GRIA2: variants seen among roughly 807,000 people sequenced by gnomAD.
The protein encoded by GRIA2 is glutamate ionotropic receptor AMPA type subunit 2, also known as glutamate receptor 2.
Under a neutral mutation model 97.3 loss-of-function variants are expected in GRIA2, and 14 were observed. The ratio of observed to expected loss-of-function variants is 0.14; its 90% CI spans 0.10 to 0.23. The LOEUF is 0.23. Among genes scored for constraint, GRIA2 ranks in the 10% least tolerant of loss-of-function variants. The pLI is 1.00. For synonymous variants in GRIA2, 412 were observed against 387.8 expected (o/e 1.06, Z -0.73); for missense variants, 558 against 1,069.8 (o/e 0.52, Z 6.67).
chr4:157,266,946 G>A (rs1042067923), intron 2 of GRIA2, among the ~76,000 whole-genome samples: 1 of 151,928 alleles, frequency 6.6e-6, no homozygotes, highest in Non-Finnish European at 1.5e-5. Flanking sequence ...TGTAGGTTCA[G>A]CTACTCGAGT....
intron 2 of GRIA2, among the ~76,000 whole-genome samples, chr4:157,291,216 G>A (rs1157193467): frequency 4.0e-5 from 6 of 151,752 alleles, no homozygotes; most frequent in African/African-American, 4.8e-5. Flanking sequence ...GCTCTTTCCC[G>A]AATGCCTCCT....
Position 157,224,977 on chromosome 4 carries a change from C to T in GRIA2, c.229+3170C>T, listed in dbSNP as rs1327075622. 5.3e-5 allele frequency among the ~76,000 whole-genome samples: 8 copies of T among 152,096 alleles called. No homozygotes were observed. The South Asian group carries it at 1.0e-3, about 20-fold the overall frequency. Reference sequence around the variant, plus strand: ...TAAAAATCCCACAGAGCTAAATTTACGTATTAAAAAGTGGATTTTTATACC... The same window carrying T: ...TAAAAATCCCACAGAGCTAAATTTATGTATTAAAAAGTGGATTTTTATACC... On this transcript the variant is annotated intron_variant, in intron 2 of 15. Transcript: ENST00000264426.
At position 157,250,912 on chromosome 4, in the gene GRIA2, C is replaced by T. The variant is rs6826556; in HGVS notation, c.229+29105C>T. On this transcript the variant is annotated intron_variant, in intron 2 of 15. Coordinates refer to ENST00000264426, the MANE Select transcript of GRIA2 (RefSeq NM_001083619.3). ...AGAAAGTATTAGAGAGGGTGCTTCC[C>T]ATTCTCCAGCTATGCTTGCTTTTCC... 5.0e-3 allele frequency among the ~76,000 whole-genome samples: 768 copies of T among 152,192 alleles called. 5 individuals carry two copies. The highest frequency in any genetic ancestry group is 0.017 in the African/African-American group (723 of 41,564).
intron 2 of GRIA2, among the ~76,000 whole-genome samples, chr4:157,222,425 G>A (rs1729540318): frequency 6.6e-6 from 1 of 152,222 alleles, no homozygotes; most frequent in Admixed American, 6.5e-5. Context: ...GCCCACCCGA[G>A]GGGCGAGGAG....
chr4:157,256,226 A>AATATT lies in GRIA2; in HGVS notation c.229+34423_229+34424insTATAT, dbSNP rs1561013203. 2.5e-3 allele frequency among the ~76,000 whole-genome samples: 303 copies of AATATT among 119,822 alleles called. 6 individuals are homozygous for AATATT. Among genetic ancestry groups the AATATT allele is most frequent in the African/African-American group, 9.7e-3 (281 of 29,106 alleles). The allele number at this position is 119,822 out of a possible 152,430, so 78.6% of individuals were successfully genotyped here. ...CATATATATGTTATATATAATATAT[A>AATATT]ATATATAATATATATATATAATATA... is the stretch of plus-strand genomic sequence containing the variant. On this transcript the variant is annotated intron_variant, in intron 2 of 15. Coordinates refer to ENST00000264426, the MANE Select transcript of GRIA2 (RefSeq NM_001083619.3).
intron 2 of GRIA2, among the ~76,000 whole-genome samples, chr4:157,284,811 C>T (rs1278544152): frequency 6.6e-5 from 10 of 151,570 alleles, no homozygotes; most frequent in East Asian, 3.9e-4. Context: ...TTTTCACTGC[C>T]GAATATTATT....
intron 2 of GRIA2, among the ~76,000 whole-genome samples, chr4:157,242,347 T>C (rs1365846568): frequency 2.6e-5 from 4 of 152,080 alleles, no homozygotes; most frequent in Non-Finnish European, 5.9e-5. Flanking sequence ...TATTGTTTAT[T>C]GTCAACTTTT....
chr4:157,220,232 C>T (rs1729424620), upstream of GRIA2: 1 of 152,244 alleles, frequency 6.6e-6, no homozygotes, highest in Non-Finnish European at 1.5e-5. Context: ...TAACGTAAGA[C>T]AGCAGGGCCT....
intron 12 of GRIA2, among the ~76,000 whole-genome samples, chr4:157,356,470 C>T (rs1579391160): frequency 6.6e-6 from 1 of 151,808 alleles, no homozygotes; most frequent in Admixed American, 6.6e-5. Flanking sequence ...TGCCTGTGTT[C>T]CCTCTTCTAC....
intron 2 of GRIA2, among the ~76,000 whole-genome samples, chr4:157,228,030 T>C (rs1440819204): frequency 6.6e-6 from 1 of 152,228 alleles, no homozygotes; most frequent in East Asian, 1.9e-4. Flanking sequence ...AAGTTTTTTG[T>C]CATCTTTGAT....
chr4:157,301,846 C>T (rs1380349592), intron 2 of GRIA2, among the ~76,000 whole-genome samples: 3 of 151,846 alleles, frequency 2.0e-5, no homozygotes, highest in South Asian at 2.1e-4. Context: ...GAAATGACCC[C>T]GAGATTGAGA....
intron 2 of GRIA2, among the ~76,000 whole-genome samples, chr4:157,242,457 G>A (rs531986743): frequency 5.3e-5 from 8 of 152,172 alleles, no homozygotes; most frequent in East Asian, 3.9e-4. Context: ...TTATGGTTGA[G>A]AGAAAGTACA....
intron 2 of GRIA2, among the ~76,000 whole-genome samples, chr4:157,227,627 A>T (rs1729806837): frequency 6.6e-6 from 1 of 152,216 alleles, no homozygotes; most frequent in African/African-American, 2.4e-5. Flanking sequence ...CTTGTATTTG[A>T]TGTAAATATT....
chr4:157,225,185 G>A (rs1729687095), intron 2 of GRIA2, among the ~76,000 whole-genome samples: 1 of 152,156 alleles, frequency 6.6e-6, no homozygotes. Context: ...TGGGTAAAAT[G>A]ATTGTGTGCA....
intron 2 of GRIA2, among the ~76,000 whole-genome samples, chr4:157,277,410 T>G (rs1031689458): frequency 6.6e-6 from 1 of 151,856 alleles, no homozygotes; most frequent in African/African-American, 2.4e-5. Context: ...CTACAAAACA[T>G]CTGTAGCTAA....
intron 2 of GRIA2, among the ~76,000 whole-genome samples, chr4:157,264,171 G>C (rs1731667720): frequency 6.6e-6 from 1 of 151,952 alleles, no homozygotes; most frequent in Non-Finnish European, 1.5e-5. Context: ...GCTTTCTATT[G>C]CTGCCATAAC....
chr4:157,226,931 T>C (rs1236629535), intron 2 of GRIA2, among the ~76,000 whole-genome samples: 1 of 152,144 alleles, frequency 6.6e-6, no homozygotes, highest in Non-Finnish European at 1.5e-5. Flanking sequence ...AAATGCCTCT[T>C]TGTATGTCAG....
At chr4:157,336,945 A>G (rs1735313616) in intron 11 of GRIA2, among the ~76,000 whole-genome samples, 198 bp downstream of exon 11, 1 of 151,970 alleles carries the variant, frequency 6.6e-6, no homozygotes, top group Non-Finnish European at 1.5e-5. Context: ...TTGCTCATCT[A>G]TTTCTCTGGT....
At chr4:157,301,768 G>A (rs1200419772) in intron 2 of GRIA2, among the ~76,000 whole-genome samples, 1 of 152,112 alleles carries the variant, frequency 6.6e-6, no homozygotes, top group Non-Finnish European at 1.5e-5. Context: ...ATTTTAAAAG[G>A]ATGGTAGATG....
Sources: gnomAD v4.1 joint callset for allele counts (sites outside exome capture counted in the v4.1 genomes callset) on GRCh38, gnomAD v4.1.1 for gene constraint, MANE v1.5 for transcripts, NCBI Gene and HGNC (gene_info 2026-07-23, HGNC 2026-07-21) for gene names.